USP49: variants seen among roughly 807,000 people sequenced by gnomAD.
The protein encoded by USP49 is ubiquitin specific peptidase 49.
A neutral mutation model predicts 58.6 loss-of-function variants in USP49; 24 were observed. The observed-to-expected ratio is 0.41, with a 90% CI of 0.30 to 0.58. USP49 has a LOEUF of 0.58. USP49 is among the 20% of genes least tolerant of loss of function. The probability of loss-of-function intolerance (pLI) is 0.30; values close to 1 mark genes in which losing one functional copy is unlikely to be tolerated. For missense variants in USP49, 703 were observed against 866.1 expected, an observed-to-expected ratio of 0.81 and a Z score of 2.36; for synonymous variants, 408 against 365.1, an observed-to-expected ratio of 1.12 and a Z score of -1.34.
chr6:41,816,646 CT>C (rs1467285292), intron 3 of USP49, among the ~76,000 whole-genome samples: 2 of 152,052 alleles, frequency 1.3e-5, no homozygotes, highest in African/African-American at 4.8e-5. Context: ...ATAAAATTCA[CT>C]CATGTAAAGT....
At chr6:41,825,530 A>G (rs1773523906) in intron 3 of USP49, among the ~76,000 whole-genome samples, 1 of 152,214 alleles carries the variant, frequency 6.6e-6, no homozygotes, top group South Asian at 2.1e-4. Context: ...CCTGTGGTAA[A>G]TGTGCTGAAC....
chr6:41,803,049 C>G lies in USP49; in HGVS notation c.1561+757G>C, dbSNP rs1773048518. On this transcript the variant is annotated intron_variant, in intron 5 of 7. Coordinates refer to ENST00000682992, the MANE Select transcript of USP49 (RefSeq NM_001286554.2). The surrounding 1 kb of genome is among the most constrained non-coding windows in gnomAD (Gnocchi z 4.1). ...TCACTTTTGACAGACATTAAGTCTA[C>G]CAGTTCAGTACAAAAGCTTGCTTTT... 1.3e-5 allele frequency among the ~76,000 whole-genome samples: 2 copies of G among 152,184 alleles called. No individual in the cohort carries two copies. Among genetic ancestry groups the G allele is most frequent in the Admixed American group, 1.3e-4 (2 of 15,272 alleles).
At chr6:41,888,119 A>G (rs529443530) in intron 2 of USP49, among the ~76,000 whole-genome samples, 2 of 143,566 alleles carry the variant, frequency 1.4e-5, no homozygotes, top group Non-Finnish European at 3.0e-5. Flanking sequence ...GAGTGGCACA[A>G]TCTCAGCTCA....
chr6:41,893,676 A>C (rs537240672), intron 1 of USP49, among the ~76,000 whole-genome samples: 1 of 152,322 alleles, frequency 6.6e-6, no homozygotes, highest in East Asian at 1.9e-4. Context: ...CATCCATACA[A>C]GAAAAAAATC....
chr6:41,880,558 C>T (rs1447082215), intron 2 of USP49, among the ~76,000 whole-genome samples: 2 of 152,144 alleles, frequency 1.3e-5, no homozygotes, highest in Non-Finnish European at 2.9e-5. Flanking sequence ...TCAGACTTCT[C>T]GTCAGCAGCA....
At chr6:41,868,577 T>G (rs1774361728) in intron 3 of USP49, 1 of 152,202 alleles carries the variant, frequency 6.6e-6, no homozygotes, top group Admixed American at 6.5e-5. Context: ...TCAGCCCACC[T>G]TGGCCTCCCA....
intron 7 of USP49, chr6:41,798,307 T>C: frequency 5.3e-6 from 1 of 189,298 alleles, no homozygotes; most frequent in South Asian, 1.1e-4. Context: ...AGAGTCTTGC[T>C]CTGTCACCCA....
chr6:41,837,144 A>G (rs1420763436), intron 3 of USP49, among the ~76,000 whole-genome samples: 1 of 152,212 alleles, frequency 6.6e-6, no homozygotes, highest in East Asian at 1.9e-4. Flanking sequence ...AAGAGCCTGA[A>G]TAGCCAACGC....
At chr6:41,816,529 C>G (rs1186401402) in intron 3 of USP49, among the ~76,000 whole-genome samples, 2 of 152,094 alleles carry the variant, frequency 1.3e-5, no homozygotes, top group African/African-American at 2.4e-5. Flanking sequence ...ATCCTCAGCT[C>G]TCTTCTCAAT....
rs1772844438 is a variant in USP49 at position 41,794,006 on chromosome 6, A to T, written c.*2527T>A. The T allele has an allele frequency of 6.6e-6, 1 of 152,232 alleles. No individual in the cohort carries two copies. Among genetic ancestry groups the T allele is most frequent in the African/African-American group, 2.4e-5 (1 of 41,442 alleles). 9.4% of individuals were successfully genotyped at this position (152,232 alleles called of 1,614,324 possible). On this transcript the variant is annotated 3_prime_UTR_variant, in exon 8 of 8. Transcript: ENST00000682992. Reference sequence around the variant, plus strand: ...TTAGAATGATTCAATTTCAGATGCAACTGAGACATTCATCTATACCCAGTA... The same window carrying T: ...TTAGAATGATTCAATTTCAGATGCATCTGAGACATTCATCTATACCCAGTA...
At chr6:41,812,441 C>T (rs565736351) in intron 3 of USP49, among the ~76,000 whole-genome samples, 6 of 150,486 alleles carry the variant, frequency 4.0e-5, no homozygotes, top group Admixed American at 6.6e-5. Context: ...CGCCTGCAAT[C>T]GCAGCACTTT....
intron 3 of USP49, among the ~76,000 whole-genome samples, chr6:41,826,042 T>C (rs1167176002): frequency 3.9e-5 from 6 of 152,154 alleles, no homozygotes. Context: ...GGCAGGTGGA[T>C]CACTTGAGTC....
intron 3 of USP49, among the ~76,000 whole-genome samples, chr6:41,813,907 G>C (rs1773303988): frequency 1.3e-5 from 2 of 152,218 alleles, no homozygotes; most frequent in African/African-American, 4.8e-5. Flanking sequence ...ATGTGTTTAA[G>C]TCACCTCTCA....
intron 2 of USP49, among the ~76,000 whole-genome samples, chr6:41,884,347 T>C (rs1367327160): frequency 1.3e-5 from 2 of 152,202 alleles, no homozygotes; most frequent in Admixed American, 6.5e-5. Context: ...TAAAACATAG[T>C]GCTCACTGAA....
At chr6:41,834,046 T>C (rs376977192) in intron 3 of USP49, among the ~76,000 whole-genome samples, 3 of 152,318 alleles carry the variant, frequency 2.0e-5, no homozygotes, top group South Asian at 2.1e-4. Context: ...GCTAAGAACA[T>C]TGAAACATGC....
chr6:41,854,921 T>C (rs982177067), intron 3 of USP49, among the ~76,000 whole-genome samples: 11 of 151,924 alleles, frequency 7.2e-5, no homozygotes, highest in Admixed American at 3.3e-4. Flanking sequence ...TACAGGTGCA[T>C]ACTAACATGC....
At chr6:41,824,663 G>A (rs184348016) in intron 3 of USP49, among the ~76,000 whole-genome samples, 5 of 152,182 alleles carry the variant, frequency 3.3e-5, no homozygotes, top group South Asian at 2.1e-4. Flanking sequence ...CCGAGATCGC[G>A]CCATTGCACT....
At chr6:41,892,131 G>A (rs946811511) in intron 1 of USP49, among the ~76,000 whole-genome samples, 2 of 152,132 alleles carry the variant, frequency 1.3e-5, no homozygotes, top group Non-Finnish European at 1.5e-5. Flanking sequence ...TTGACAATGA[G>A]ACTCAGTGGT....
At chr6:41,828,001 A>T (rs1339815398) in intron 3 of USP49, among the ~76,000 whole-genome samples, 15 of 152,196 alleles carry the variant, frequency 9.9e-5, no homozygotes, top group Admixed American at 7.2e-4. Flanking sequence ...AGAATTTAAA[A>T]TTTTTTAAAT....
Sources: allele counts gnomAD v4.1 joint callset (sites outside exome capture counted in the v4.1 genomes callset), GRCh38; gene constraint gnomAD v4.1.1; non-coding constraint Gnocchi (gnomAD v3.1); transcripts MANE v1.5; gene names NCBI Gene and HGNC (gene_info 2026-07-23, HGNC 2026-07-21).